Variants in CADPS2 observed in about 807,000 individuals in gnomAD.
CADPS2 encodes the protein calcium dependent secretion activator 2, also known as calcium-dependent secretion activator 2.
In CADPS2, 93 loss-of-function variants were observed where a neutral mutation model predicts 172.5. The ratio of observed to expected loss-of-function variants is 0.54; its 90% CI spans 0.46 to 0.64. The LOEUF (loss-of-function observed/expected upper bound fraction) is 0.64, where lower values mean the gene tolerates loss of function less well. Among genes scored for constraint, CADPS2 ranks in the 30% least tolerant of loss-of-function variants. CADPS2 has a pLI of 0.00. For synonymous variants in CADPS2, 546 were observed against 555.2 expected, an observed-to-expected ratio of 0.98 and a Z score of 0.23; for missense variants, 1,420 against 1,565.9, an observed-to-expected ratio of 0.91 and a Z score of 1.57.
intron 1 of CADPS2, among the ~76,000 whole-genome samples, chr7:122,819,136 C>T (rs1295328629): frequency 1.3e-5 from 2 of 152,194 alleles, no homozygotes; most frequent in Non-Finnish European, 2.9e-5. Context: ...CTTCCAAACG[C>T]CTGAACTGCA....
At chr7:122,498,712 A>T (rs2130261301) in intron 9 of CADPS2, among the ~76,000 whole-genome samples, 1 of 152,178 alleles carries the variant, frequency 6.6e-6, no homozygotes, top group South Asian at 2.1e-4. Context: ...ATCCTTTTCC[A>T]AATCTGCTGG....
At chr7:122,750,012 G>A (rs767169029) in intron 1 of CADPS2, among the ~76,000 whole-genome samples, 1 of 149,358 alleles carries the variant, frequency 6.7e-6, no homozygotes, top group South Asian at 2.1e-4. Context: ...CCAGGAAGAG[G>A]GACAAGAAAA....
chr7:122,544,134 T>C (rs62474629), intron 8 of CADPS2, among the ~76,000 whole-genome samples: 10,698 of 152,204 alleles, frequency 0.07, 415 homozygotes, highest in South Asian at 0.18. Flanking sequence ...ACAAGAATGT[T>C]CACAGTAGCA....
intron 1 of CADPS2, among the ~76,000 whole-genome samples, chr7:122,879,399 G>A (rs543637857): frequency 2.4e-4 from 36 of 151,638 alleles, no homozygotes; most frequent in Non-Finnish European, 5.9e-5. Flanking sequence ...AGCCAGACAC[G>A]GTGGCACGTG....
chr7:122,817,083 T>C (rs1329835187), intron 1 of CADPS2, among the ~76,000 whole-genome samples: 1 of 151,914 alleles, frequency 6.6e-6, no homozygotes, highest in Non-Finnish European at 1.5e-5. Flanking sequence ...CTAACTCTCT[T>C]TTCAGACTCA....
chr7:122,529,421 T>A (rs2061565277), intron 8 of CADPS2, among the ~76,000 whole-genome samples: 1 of 152,092 alleles, frequency 6.6e-6, no homozygotes, highest in African/African-American at 2.4e-5. Context: ...TTACAACTAT[T>A]ATAAGCAGAA....
chr7:122,886,325 A>G lies in CADPS2; in HGVS notation c.13T>C (p.Ser5Pro). ...TCGTCCGACTCCTCTTCGCTGGAAG[A>G]CGGGTCCAGCATGGTGCTCGGGGAT... Reference protein sequence around the residue: MLDPSSSEEESDEGL... With the variant: MLDPPSSEEESDEGL... Residue 5 changes from serine to proline, a missense_variant, in exon 1 of 30, where the codon TCT becomes CCT. Ser to Pro is a moderately conservative substitution (Grantham distance 74). Transcript: ENST00000449022. 6.7e-7 allele frequency: 1 copy of G among 1,502,668 alleles called. No individual in the cohort carries two copies. Among genetic ancestry groups the G allele is most frequent in the Non-Finnish European group, 8.8e-7 (1 of 1,134,572 alleles). The allele number at this position is 1,502,668 out of a possible 1,614,324, so 93.1% of individuals were successfully genotyped here.
intron 1 of CADPS2, among the ~76,000 whole-genome samples, chr7:122,831,937 G>A (rs1806685790): frequency 6.6e-6 from 1 of 152,196 alleles, no homozygotes; most frequent in Admixed American, 6.5e-5. Flanking sequence ...CCAAAGAGAA[G>A]AGTGGATGCT....
At chr7:122,822,973 T>C (rs573147911) in intron 1 of CADPS2, among the ~76,000 whole-genome samples, 2 of 152,320 alleles carry the variant, frequency 1.3e-5, no homozygotes, top group South Asian at 2.1e-4. Context: ...GCCTGTTTGG[T>C]GGTCTCTTCA....
At chr7:122,739,142 C>T (rs1006498736) in intron 1 of CADPS2, among the ~76,000 whole-genome samples, 3 of 152,072 alleles carry the variant, frequency 2.0e-5, no homozygotes, top group Admixed American at 6.6e-5. Context: ...GAGAGTGAGG[C>T]GGCTGAAAGC....
chr7:122,712,243 C>G (rs1457196526), intron 2 of CADPS2, among the ~76,000 whole-genome samples: 5 of 152,052 alleles, frequency 3.3e-5, no homozygotes, highest in Non-Finnish European at 5.9e-5. Flanking sequence ...CTTCATCTTC[C>G]TACAGGACCC....
chr7:122,480,148 G>C (rs991766212), intron 12 of CADPS2: 2 of 470,176 alleles, frequency 4.3e-6, no homozygotes, highest in Non-Finnish European at 8.9e-6. Flanking sequence ...CACCCCTTCA[G>C]CTCACTCTCT....
rs950206003 is a variant in CADPS2 at position 122,387,568 on chromosome 7, A to C, written c.3165-395T>G. Among the ~76,000 whole-genome samples, 3 of 152,074 alleles carry C rather than the reference A, an allele frequency of 2.0e-5. No individual in the cohort carries two copies. In the South Asian group the frequency reaches 6.2e-4, roughly 31 times the overall value. ...TTAAGCAGAATATATCCTCTATGTGAGGTCTTACCAAATTAGAAAAAATAA... is the reference window on the plus strand; with the variant it reads ...TTAAGCAGAATATATCCTCTATGTGCGGTCTTACCAAATTAGAAAAAATAA... On this transcript the variant is annotated intron_variant, in intron 23 of 29. Coordinates refer to ENST00000449022, the MANE Select transcript of CADPS2 (RefSeq NM_017954.11).
At chr7:122,657,884 T>C (rs559372749) in intron 3 of CADPS2, among the ~76,000 whole-genome samples, 1 of 152,140 alleles carries the variant, frequency 6.6e-6, no homozygotes, top group African/African-American at 2.4e-5. Flanking sequence ...CCCTGTCTTG[T>C]GCCAGTTTTC....
At chr7:122,641,395 T>G (rs2077628445) in intron 3 of CADPS2, among the ~76,000 whole-genome samples, 1 of 152,192 alleles carries the variant, frequency 6.6e-6, no homozygotes, top group Non-Finnish European at 1.5e-5. Flanking sequence ...ATTCTCTCGG[T>G]TAGGGAATTC....
chr7:122,472,632 C>G (rs2056127934), intron 13 of CADPS2, among the ~76,000 whole-genome samples: 1 of 152,154 alleles, frequency 6.6e-6, no homozygotes, highest in Admixed American at 6.6e-5. Flanking sequence ...AAAATCAAAA[C>G]AGCTTTTGAT....
chr7:122,554,958 AG>A (rs1274544334), intron 7 of CADPS2, among the ~76,000 whole-genome samples: 1 of 152,092 alleles, frequency 6.6e-6, no homozygotes, highest in East Asian at 1.9e-4. Flanking sequence ...AACAAGCCAC[AG>A]TTGAATTGAC....
intron 1 of CADPS2, among the ~76,000 whole-genome samples, chr7:122,753,874 C>G (rs1382645573): frequency 2.0e-5 from 3 of 152,110 alleles, no homozygotes; most frequent in African/African-American, 7.2e-5. Flanking sequence ...CAATACACTG[C>G]AGGTCACCAA....
At chr7:122,491,222 A>AG in intron 10 of CADPS2, 90 bp downstream of exon 10, 3 of 723,176 alleles carry the variant, frequency 4.1e-6, no homozygotes. Context: ...ATTCATCGAG[A>AG]GGGGTTTAAA....
Sources: allele counts gnomAD v4.1 joint callset (sites outside exome capture counted in the v4.1 genomes callset), GRCh38; gene constraint gnomAD v4.1.1; transcripts MANE v1.5; gene names NCBI Gene and HGNC (gene_info 2026-07-23, HGNC 2026-07-21).